ELOVL2: variants seen among roughly 807,000 people sequenced by gnomAD.
The protein encoded by ELOVL2 is very long chain fatty acid elongase 2.
A neutral mutation model predicts 37.7 loss-of-function variants in ELOVL2; 38 were observed. The observed-to-expected ratio is 1.01, with a 90% CI of 0.78 to 1.32. The LOEUF (loss-of-function observed/expected upper bound fraction) is 1.32. ELOVL2 is among the 40% of genes most tolerant of loss of function. The pLI, the probability that ELOVL2 is intolerant of heterozygous loss-of-function variation, is 0.00. For missense variants in ELOVL2, 352 were observed against 363.6 expected (o/e 0.97, Z 0.26); for synonymous variants, 115 against 122.3 (o/e 0.94, Z 0.40).
chr6:10,987,466 G>A (rs1391537881), intron 7 of ELOVL2, among the ~76,000 whole-genome samples: 1 of 152,084 alleles, frequency 6.6e-6, no homozygotes, highest in Non-Finnish European at 1.5e-5. Flanking sequence ...GATCTTTCCT[G>A]CTTTCTCTTG....
At chr6:11,020,823 ACT>A (rs1782755833) in intron 1 of ELOVL2, among the ~76,000 whole-genome samples, 1 of 152,294 alleles carries the variant, frequency 6.6e-6, no homozygotes, top group Admixed American at 6.5e-5. Context: ...CCAGTGACAA[ACT>A]CATTATTTTT....
chr6:10,995,291 C>G (rs1298918513), intron 4 of ELOVL2, 113 bp from the exon 5 acceptor site: 1 of 815,978 alleles, frequency 1.2e-6, no homozygotes, highest in East Asian at 2.6e-5. Flanking sequence ...TTCTTTCTCA[C>G]TGCTGAAAAG....
At chr6:10,990,525 A>G in intron 5 of ELOVL2, 83 bp from the exon 6 acceptor site, 2 of 1,344,016 alleles carry the variant, frequency 1.5e-6, no homozygotes, top group Non-Finnish European at 1.0e-6. Flanking sequence ...CTCTCTCTGC[A>G]TGGTAATTGA....
At chr6:10,984,062 G>T (rs1024918389) in intron 7 of ELOVL2, among the ~76,000 whole-genome samples, 156 bp from the exon 8 acceptor site, 31 of 152,336 alleles carry the variant, frequency 2.0e-4, no homozygotes, top group Middle Eastern at 3.4e-3. Context: ...CTGTCACCCA[G>T]GCTGGAGTGC....
intron 4 of ELOVL2, 138 bp downstream of exon 4, chr6:10,999,949 T>C: frequency 2.7e-6 from 2 of 730,846 alleles, no homozygotes; most frequent in Non-Finnish European, 2.3e-6. Context: ...ATCATCTTTG[T>C]TACCAAGCAT....
chr6:11,008,415 C>T (rs1392205189), intron 2 of ELOVL2, among the ~76,000 whole-genome samples: 2 of 152,160 alleles, frequency 1.3e-5, no homozygotes, highest in Admixed American at 6.6e-5. Flanking sequence ...ACTGTCTAGT[C>T]GAAGTGTCAA....
chr6:11,003,241 C>T (rs1782421565), intron 3 of ELOVL2, among the ~76,000 whole-genome samples: 1 of 152,166 alleles, frequency 6.6e-6, no homozygotes, highest in Non-Finnish European at 1.5e-5. Context: ...CACCTATCAA[C>T]CCCTCATCTA....
chr6:11,019,249 A>C (rs1174178694), intron 1 of ELOVL2, among the ~76,000 whole-genome samples: 1 of 152,160 alleles, frequency 6.6e-6, no homozygotes, highest in Non-Finnish European at 1.5e-5. Flanking sequence ...ATATTTCTTC[A>C]TTTCAGCCTC....
chr6:10,983,614 T>C lies in ELOVL2; in HGVS notation c.*167A>G. On this transcript the variant is annotated 3_prime_UTR_variant, in exon 8 of 8. Coordinates refer to ENST00000354666, the MANE Select transcript of ELOVL2 (RefSeq NM_017770.4). ...CCTCAATGCTGATCAAAGCATTCAG[T>C]TAACAGATTAACCTAATAGCAATAT... 2 of 742,472 alleles carry C rather than the reference T, an allele frequency of 2.7e-6. No individual in the cohort carries two copies. Among genetic ancestry groups the C allele is most frequent in the East Asian group, 6.1e-5 (2 of 32,942 alleles). 46.0% of individuals were successfully genotyped at this position (742,472 alleles called of 1,614,324 possible).
chr6:11,038,825 C>T (rs1783056644), intron 1 of ELOVL2, among the ~76,000 whole-genome samples: 2 of 152,114 alleles, frequency 1.3e-5, no homozygotes, highest in Non-Finnish European at 2.9e-5. Flanking sequence ...CATGCTCAAA[C>T]TGAATTGTGA....
At chr6:10,988,390 C>T (rs1045901058) in intron 7 of ELOVL2, among the ~76,000 whole-genome samples, 1 of 152,148 alleles carries the variant, frequency 6.6e-6, no homozygotes, top group East Asian at 1.9e-4. Context: ...CATGGAGAAA[C>T]CCCATCTCTA....
intron 6 of ELOVL2, 72 bp downstream of exon 6, chr6:10,990,246 C>A: frequency 6.4e-7 from 1 of 1,566,674 alleles, no homozygotes; most frequent in East Asian, 2.3e-5. Flanking sequence ...AGCCCTCTGA[C>A]TTCTAAGATT....
chr6:11,042,240 G>A (rs1429306117), intron 1 of ELOVL2, among the ~76,000 whole-genome samples: 1 of 152,090 alleles, frequency 6.6e-6, no homozygotes, highest in Non-Finnish European at 1.5e-5. Context: ...TTGAGCCCAG[G>A]AGGTGGAGGT....
At chr6:10,994,188 C>A (rs565712240) in intron 5 of ELOVL2, among the ~76,000 whole-genome samples, 6 of 151,074 alleles carry the variant, frequency 4.0e-5, no homozygotes, top group African/African-American at 1.5e-4. Flanking sequence ...GAAGAAGGGC[C>A]GGGTGCGGTG....
At chr6:11,040,851 G>A (rs1423203286) in intron 1 of ELOVL2, among the ~76,000 whole-genome samples, 1 of 152,142 alleles carries the variant, frequency 6.6e-6, no homozygotes, top group African/African-American at 2.4e-5. Flanking sequence ...TGAAGCCCAA[G>A]GTCACACAGT....
chr6:11,036,134 T>C (rs1422666053), intron 1 of ELOVL2, among the ~76,000 whole-genome samples: 1 of 152,256 alleles, frequency 6.6e-6, no homozygotes, highest in East Asian at 1.9e-4. Flanking sequence ...AGATTAGTGT[T>C]ACGAAAGGTA....
chr6:10,986,851 A>G (rs975145020), intron 7 of ELOVL2, among the ~76,000 whole-genome samples: 1 of 152,190 alleles, frequency 6.6e-6, no homozygotes, highest in African/African-American at 2.4e-5. Context: ...TATCATGATG[A>G]TGCTGGCCTC....
chr6:11,043,242 G>A (rs1783130597), intron 1 of ELOVL2, among the ~76,000 whole-genome samples: 1 of 152,090 alleles, frequency 6.6e-6, no homozygotes, highest in Non-Finnish European at 1.5e-5. Context: ...ACGGGAAGGG[G>A]GTGAGGCAAA....
chr6:11,029,245 A>G (rs1228124016), intron 1 of ELOVL2, among the ~76,000 whole-genome samples: 4 of 140,698 alleles, frequency 2.8e-5, no homozygotes, highest in African/African-American at 1.0e-4. Flanking sequence ...AAAAAAAAAA[A>G]AAAGGTAGGC....
Sources: allele counts gnomAD v4.1 joint callset (sites outside exome capture counted in the v4.1 genomes callset), GRCh38; gene constraint gnomAD v4.1.1; transcripts MANE v1.5; gene names NCBI Gene and HGNC (gene_info 2026-07-23, HGNC 2026-07-21).